The following EFR3B variants were observed in gnomAD, a reference collection of about 807,000 sequenced individuals.
The protein encoded by EFR3B is EFR3 homolog B.
In EFR3B, 64 loss-of-function variants were observed where a neutral mutation model predicts 104.7. The ratio of observed to expected loss-of-function variants is 0.61; its 90% CI spans 0.50 to 0.75. EFR3B has a LOEUF of 0.75. Ranked by LOEUF, EFR3B falls within the 30% of genes least tolerant of loss-of-function variation. The pLI, the probability that EFR3B is intolerant of heterozygous loss-of-function variation, is 0.00. For synonymous variants in EFR3B, 385 were observed against 417.9 expected (o/e 0.92, Z 0.96); for missense variants, 750 against 1,078.5 (o/e 0.70, Z 4.27).
At chr2:25,143,699 G>A (rs555576366) in intron 17 of EFR3B, 36 bp from the exon 18 acceptor site, 11 of 1,550,342 alleles carry the variant, frequency 7.1e-6, no homozygotes, top group East Asian at 2.4e-5. Context: ...TAGATACCGC[G>A]GTTCTAACGA....
chr2:25,056,406 CTA>C lies in EFR3B; in HGVS notation c.7+14089_7+14090del, dbSNP rs1250480313. Among the ~76,000 whole-genome samples the C allele has an allele frequency of 2.8e-5, 4 of 145,262 alleles. No homozygotes were observed. In the South Asian group the frequency reaches 8.7e-4, roughly 32 times the overall value. On this transcript the variant is annotated intron_variant, in intron 1 of 22. Transcript: ENST00000403714. ...TAATGGTATAATTACGGATAAGTCT[CTA>C]TTTTGATTTCCATTCATATTACTTG...
chr2:25,126,044 T>C (rs1012433395), intron 5 of EFR3B, among the ~76,000 whole-genome samples: 1 of 152,216 alleles, frequency 6.6e-6, no homozygotes, highest in African/African-American at 2.4e-5. Flanking sequence ...ATGTGAGGAT[T>C]TTTTGGAGTC....
chr2:25,087,497 T>G (rs1489543848), intron 1 of EFR3B, among the ~76,000 whole-genome samples: 3 of 151,530 alleles, frequency 2.0e-5, no homozygotes, highest in Non-Finnish European at 4.4e-5. Context: ...TTTTTTTTTT[T>G]GAGCTGGAGT....
intron 1 of EFR3B, among the ~76,000 whole-genome samples, chr2:25,088,848 A>G (rs936415450): frequency 2.1e-4 from 32 of 152,200 alleles, no homozygotes; most frequent in Non-Finnish European, 3.5e-4. Flanking sequence ...TTAGGAAGAA[A>G]GGAAAGACAA....
Position 25,131,861 on chromosome 2 carries a change from TCAAGGAGCA to T in EFR3B, c.1099_1107del (p.Lys367_His369del). 6.5e-7 allele frequency: 1 copy of T among 1,547,424 alleles called. No homozygotes were observed. Among genetic ancestry groups the T allele is most frequent in the South Asian group, 1.2e-5 (1 of 83,660 alleles). ...GCGGTCAGCCTCGGCACCAAGATCATCAAGGAGCACGAGGAGCGCATGTTCCAGGAGGCC... is the reference window on the plus strand; with the variant it reads ...GCGGTCAGCCTCGGCACCAAGATCATCGAGGAGCGCATGTTCCAGGAGGCC... On this transcript the variant is annotated inframe_deletion, in exon 10 of 23. Coordinates refer to ENST00000403714, the MANE Select transcript of EFR3B (RefSeq NM_014971.2). This position sits in a 1 kb window ranked among gnomAD's most constrained non-coding sequence, Gnocchi z 7.6.
intron 1 of EFR3B, among the ~76,000 whole-genome samples, chr2:25,052,295 A>C (rs1667893070): frequency 6.6e-6 from 1 of 151,878 alleles, no homozygotes. Flanking sequence ...TCTCTACTGC[A>C]TCTTTAGGGC....
At chr2:25,071,474 C>T (rs866008347) in intron 1 of EFR3B, among the ~76,000 whole-genome samples, 7 of 142,516 alleles carry the variant, frequency 4.9e-5, no homozygotes, top group African/African-American at 7.8e-5. Context: ...TTGGCCAGGC[C>T]GGTCTTGAAC....
At position 25,131,369 on chromosome 2, in the gene EFR3B, C is replaced by T. The variant is rs1159515856; in HGVS notation, c.851C>T (p.Pro284Leu). 4 of 1,550,290 alleles carry T rather than the reference C, an allele frequency of 2.6e-6. No homozygotes were observed. Among genetic ancestry groups the T allele is most frequent in the Non-Finnish European group, 2.6e-6 (3 of 1,146,448 alleles). Residue 284 changes from proline (P) to leucine (L), a missense_variant and splice_region_variant, in exon 9 of 23, where the codon CCG (proline) becomes CTG (leucine). Physicochemically the swap from Pro to Leu is moderately conservative, Grantham distance 98. Coordinates refer to ENST00000403714, the MANE Select transcript of EFR3B (RefSeq NM_014971.2). This position sits in a 1 kb window ranked among gnomAD's most constrained non-coding sequence, Gnocchi z 7.6. The stretch of plus-strand genomic sequence containing the variant: ...GCCCAGCTCATCTTCCTCCCGCAGC[C>T]GCAGCACTCACACCTGGTCATCCAG... ...CFKIIMYSIQ[P>L]QHSHLVIQQL...
chr2:25,143,916 G>A, intron 18 of EFR3B, 54 bp downstream of exon 18: 1 of 1,537,742 alleles, frequency 6.5e-7, no homozygotes, highest in South Asian at 1.2e-5. Flanking sequence ...ACTTGGCCAG[G>A]TAAGGGCCTG....
rs533291505 is a variant in EFR3B, at chr2:25,149,835, C to T, written c.2191+93C>T. On this transcript the variant is annotated intron_variant, in intron 20 of 22. Coordinates refer to ENST00000403714, the MANE Select transcript of EFR3B (RefSeq NM_014971.2). ...AGATGCAGCAGGACACACCACCCTC[C>T]GCAGTGGGATCCAGCACCTGCGTGA... is the stretch of plus-strand genomic sequence containing the variant. The T allele has an allele frequency of 1.8e-4, 211 of 1,166,504 alleles. No homozygotes were observed. In the African/African-American group the frequency reaches 2.9e-3, roughly 16 times the overall value. 72.3% of individuals were successfully genotyped at this position (1,166,504 alleles called of 1,614,324 possible). A position where few individuals can be genotyped will look rare whatever the true frequency, so the allele number is the denominator to read the frequency against.
In EFR3B at chr2:25,130,062, C is replaced by A. The variant is rs1171906312; in HGVS notation, c.723C>A (p.Gly241=). The A allele has an allele frequency of 6.4e-7, 1 of 1,551,636 alleles. No individual in the cohort carries two copies. Among genetic ancestry groups the A allele is most frequent in the African/African-American group, 1.4e-5 (1 of 73,050 alleles). ...AGAGGTGTCTTCGGGAGCTGCTGGGCCGGGCTGCCTTTGGCAACATCAAAA... is the reference window on the plus strand; with the variant it reads ...AGAGGTGTCTTCGGGAGCTGCTGGGACGGGCTGCCTTTGGCAACATCAAAA... ...LAERCLRELL[G]RAAFGNIKNA... is the part of the protein sequence containing the mutation. Residue 241 remains glycine (G), a synonymous_variant, in exon 7 of 23, where the codon GGC becomes GGA. Transcript: ENST00000403714. The surrounding 1 kb of genome is among the most constrained non-coding windows in gnomAD (Gnocchi z 4.6).
At chr2:25,093,315 G>A (rs1472291339) in intron 3 of EFR3B, among the ~76,000 whole-genome samples, 185 bp downstream of exon 3, 1 of 152,042 alleles carries the variant, frequency 6.6e-6, no homozygotes, top group Non-Finnish European at 1.5e-5. Flanking sequence ...GCAATGTAGT[G>A]AGATTCCATC....
At chr2:25,069,415 G>A (rs562807730) in intron 1 of EFR3B, among the ~76,000 whole-genome samples, 19 of 152,230 alleles carry the variant, frequency 1.2e-4, no homozygotes, top group South Asian at 2.1e-4. Context: ...TAGGCTAGGC[G>A]ACCCCCAAAG....
intron 19 of EFR3B, among the ~76,000 whole-genome samples, chr2:25,149,451 T>C (rs1208481392): frequency 2.8e-5 from 4 of 144,518 alleles, no homozygotes; most frequent in Non-Finnish European, 6.1e-5. Flanking sequence ...TTATGTGAGA[T>C]TCAGGACTCT....
chr2:25,115,847 T>C (rs1239141289), intron 4 of EFR3B: 1 of 152,264 alleles, frequency 6.6e-6, no homozygotes, highest in Non-Finnish European at 1.5e-5. Context: ...ACTTAGACTG[T>C]AGGTGTTAAC....
At chr2:25,061,550 G>A (rs1340740020) in intron 1 of EFR3B, among the ~76,000 whole-genome samples, 1 of 151,608 alleles carries the variant, frequency 6.6e-6, no homozygotes, top group East Asian at 1.9e-4. Flanking sequence ...CTGGAGTGCT[G>A]TGGCGTGATC....
At chr2:25,153,844 C>A (rs895158609) in intron 22 of EFR3B, 83 bp downstream of exon 22, 10 of 1,347,814 alleles carry the variant, frequency 7.4e-6, no homozygotes, top group Non-Finnish European at 9.4e-6. Context: ...TCACCCCTGT[C>A]TTCTCTTCTC....
chr2:25,092,218 G>A (rs1419939936), intron 2 of EFR3B, among the ~76,000 whole-genome samples: 1 of 151,704 alleles, frequency 6.6e-6, no homozygotes, highest in East Asian at 1.9e-4. Flanking sequence ...ACAGGCACGT[G>A]CCACCATGCC....
At chr2:25,116,020 T>C (rs947612118) in intron 4 of EFR3B, 1 of 152,250 alleles carries the variant, frequency 6.6e-6, no homozygotes, top group African/African-American at 2.4e-5. Context: ...ATATCTGAAA[T>C]GTGTTTTCCT....
Sources: gnomAD v4.1 joint callset for allele counts (sites outside exome capture counted in the v4.1 genomes callset) on GRCh38, gnomAD v4.1.1 for gene constraint, Gnocchi (gnomAD v3.1) non-coding constraint, MANE v1.5 for transcripts, NCBI Gene and HGNC (gene_info 2026-07-23, HGNC 2026-07-21) for gene names.